SECISBP2: variants seen among roughly 807,000 people sequenced by gnomAD.
SECISBP2 encodes SECIS binding protein 2.
SECISBP2 carries 96 observed loss-of-function variants against 98.2 expected under a neutral mutation model. That is an observed-to-expected ratio of 0.98 (90% confidence interval 0.83 to 1.16). The LOEUF is 1.16. Among genes scored for constraint, SECISBP2 ranks in the 50% most tolerant of loss-of-function variants. The pLI is 0.00. For missense variants in SECISBP2, 1,046 were observed against 1,022.9 expected (o/e 1.02, Z -0.31); for synonymous variants, 407 against 370.2 (o/e 1.10, Z -1.14).
chr9:89,332,559 G>T, intron 5 of SECISBP2: 2 of 313,518 alleles, frequency 6.4e-6, no homozygotes, highest in Non-Finnish European at 1.2e-5. Context: ...CATATAGTTG[G>T]AATCATATAG....
At chr9:89,324,958 C>T (rs970926124) in intron 2 of SECISBP2, 1 of 214,644 alleles carries the variant, frequency 4.7e-6, no homozygotes, top group Non-Finnish European at 9.4e-6. Context: ...GTCTGCTTTG[C>T]GCTCTGACCC....
chr9:89,318,705 G>T (rs1564293470), intron 1 of SECISBP2, 93 bp downstream of exon 1: 57 of 1,289,242 alleles, frequency 4.4e-5, no homozygotes, highest in Non-Finnish European at 5.4e-5. Context: ...CTGGTCCAGC[G>T]GGCGTGGGTC....
chr9:89,362,266 T>C (rs903445105), downstream of SECISBP2: 5 of 1,480,368 alleles, frequency 3.4e-6, no homozygotes, highest in African/African-American at 5.5e-5. Flanking sequence ...GGTGGCCCAA[T>C]GGCTGTGTTC....
chr9:89,337,849 G>A (rs1351101336), intron 7 of SECISBP2, among the ~76,000 whole-genome samples: 1 of 152,260 alleles, frequency 6.6e-6, no homozygotes, highest in African/African-American at 2.4e-5. Flanking sequence ...ACCATGGGCA[G>A]TCCAAGGGTA....
Position 89,326,017 on chromosome 9 carries a change from G to T in SECISBP2, c.553G>T (p.Ala185Ser), listed in dbSNP as rs760544228. 1.9e-6 allele frequency: 3 copies of T among 1,613,388 alleles called. No individual in the cohort carries two copies. The highest frequency in any genetic ancestry group is 1.3e-5 in the African/African-American group (1 of 75,038). ...AGGTTCACATCATTTGTCCATTTAC[G>T]CTGAGAATAGTTTGAAATCAGGTAA... ...ARGSHHLSIY[A>S]ENSLKSDGYH... The change falls in exon 4 of 17, where the codon GCT becomes TCT. Residue 185 changes from alanine (A) to serine (S), a missense_variant. By Grantham distance (99) the Ala-to-Ser change is moderately conservative. Transcript: ENST00000375807.
intron 16 of SECISBP2, 58 bp from the exon 17 acceptor site, chr9:89,358,663 C>T (rs1252564976): frequency 1.7e-6 from 2 of 1,151,250 alleles, no homozygotes; most frequent in African/African-American, 1.5e-5. Flanking sequence ...GGTTTTCTTA[C>T]AGGAGTTTTC....
intron 9 of SECISBP2, 104 bp downstream of exon 9, chr9:89,340,057 G>C: frequency 1.2e-6 from 1 of 814,544 alleles, no homozygotes; most frequent in Non-Finnish European, 2.1e-6. Flanking sequence ...ATGGTGACAG[G>C]TGGTTTTGTT....
In SECISBP2 at chr9:89,334,554, C is replaced by G. The variant is rs1448402137; in HGVS notation, c.913C>G (p.Arg305Gly). 2 of 1,614,060 alleles carry G rather than the reference C, an allele frequency of 1.2e-6. No homozygotes were observed. The highest frequency in any genetic ancestry group is 1.7e-6 in the Non-Finnish European group (2 of 1,179,998). ...LSWTPMGYVV[R>G]QTLSTELSAA... is the part of the protein sequence containing the mutation. Reference sequence around the variant, plus strand: ...TTGGACACCAATGGGTTATGTTGTTCGACAGACATTATCTACAGAACTGTC... The same window carrying G: ...TTGGACACCAATGGGTTATGTTGTTGGACAGACATTATCTACAGAACTGTC... Residue 305 changes from arginine to glycine, a missense_variant, in exon 7 of 17, where the codon CGA becomes GGA. Physicochemically the swap from Arg to Gly is moderately radical, Grantham distance 125. Coordinates refer to ENST00000375807, the MANE Select transcript of SECISBP2 (RefSeq NM_024077.5).
At chr9:89,328,407 T>C (rs1431924042) in intron 4 of SECISBP2, among the ~76,000 whole-genome samples, 2 of 152,240 alleles carry the variant, frequency 1.3e-5, no homozygotes, top group East Asian at 3.8e-4. Flanking sequence ...CGCGTGACTA[T>C]ACATACTCCT....
rs187886577 is a variant in SECISBP2, at chr9:89,318,534, C to T, written c.-43C>T. The T allele has an allele frequency of 2.7e-5, 41 of 1,511,332 alleles. No individual in the cohort carries two copies. Among genetic ancestry groups the T allele is most frequent in the Admixed American group, 4.1e-5 (2 of 49,320 alleles). The allele number at this position is 1,511,332 out of a possible 1,614,324, so 93.6% of individuals were successfully genotyped here. ...TTGTCTGTCCGGCAAGCCGACGGCC[C>T]GCTGCTGGCCTCCGTGACGCGGCCT... is the stretch of plus-strand genomic sequence containing the variant. On this transcript the variant is annotated 5_prime_UTR_variant, in exon 1 of 17. Transcript: ENST00000375807.
rs779141838 is a variant in SECISBP2, at chr9:89,357,397, T to C, written c.2114-14T>C. ...GACATGTCTTCCTGTCATTTTTCAT[T>C]GTCCTTTGACCAGGTGGGCTGGATG... On this transcript the variant is annotated splice_polypyrimidine_tract_variant and intron_variant, in intron 14 of 16. Coordinates refer to ENST00000375807, the MANE Select transcript of SECISBP2 (RefSeq NM_024077.5). 6.2e-7 allele frequency: 1 copy of C among 1,613,856 alleles called. No homozygotes were observed. The highest frequency in any genetic ancestry group is 1.1e-5 in the South Asian group (1 of 91,088).
rs536973560 is a variant in SECISBP2 at position 89,346,781 on chromosome 9, C to G, written c.1436-101C>G. The G allele has an allele frequency of 1.9e-3, 2,683 of 1,412,480 alleles. 4 individuals are homozygous for G. Among genetic ancestry groups the G allele is most frequent in the Non-Finnish European group, 2.2e-3 (2,199 of 1,003,278 alleles). The allele number at this position is 1,412,480 out of a possible 1,614,324, so 87.5% of individuals were successfully genotyped here. On this transcript the variant is annotated intron_variant, in intron 10 of 16. Coordinates refer to ENST00000375807, the MANE Select transcript of SECISBP2 (RefSeq NM_024077.5). ...CAAGCTGGGGGTGACTTGGCAAACT[C>G]CTTCAGATACCCTGAGGCAGCCCCT...
At chr9:89,343,310 A>G (rs1829931140) in intron 10 of SECISBP2, among the ~76,000 whole-genome samples, 1 of 152,220 alleles carries the variant, frequency 6.6e-6, no homozygotes, top group Non-Finnish European at 1.5e-5. Flanking sequence ...TATTATTTCA[A>G]AAAACTCTAC....
chr9:89,344,502 G>C (rs921138722), intron 10 of SECISBP2, among the ~76,000 whole-genome samples: 2 of 152,050 alleles, frequency 1.3e-5, no homozygotes, highest in African/African-American at 2.4e-5. Context: ...GTAAGGAAGG[G>C]GTCCAGTTTC....
intron 14 of SECISBP2, chr9:89,357,109 T>C (rs887158067): frequency 2.4e-6 from 1 of 421,312 alleles, no homozygotes; most frequent in African/African-American, 2.0e-5. Flanking sequence ...GGACACAGCA[T>C]CTGTCTGCCT....
downstream of SECISBP2, chr9:89,363,634 A>G (rs1440655374): frequency 1.9e-6 from 3 of 1,591,830 alleles, no homozygotes; most frequent in Non-Finnish European, 2.6e-6. Context: ...ACCCAAACCC[A>G]GAATGCCACC....
chr9:89,332,197 A>T (rs899882457), intron 5 of SECISBP2, among the ~76,000 whole-genome samples: 4 of 152,144 alleles, frequency 2.6e-5, no homozygotes, highest in Non-Finnish European at 5.9e-5. Context: ...AGTTGAGAGG[A>T]AAGTACAGAT....
At chr9:89,365,465 C>T in the SECISBP2 span, 2 of 152,350 alleles carry the variant, frequency 1.3e-5, no homozygotes, top group Non-Finnish European at 2.9e-5. Context: ...CCAAATGGGC[C>T]ATGGGCCACC....
intron 10 of SECISBP2, among the ~76,000 whole-genome samples, chr9:89,344,294 A>G (rs117077939): frequency 0.029 from 4,482 of 152,228 alleles, 73 homozygotes; most frequent in African/African-American, 0.041. Context: ...TTGTTTTGCA[A>G]TGCAGAAGCT....
Sources: allele counts gnomAD v4.1 joint callset (sites outside exome capture counted in the v4.1 genomes callset), GRCh38; gene constraint gnomAD v4.1.1; transcripts MANE v1.5; gene names NCBI Gene and HGNC (gene_info 2026-07-23, HGNC 2026-07-21).